Variants in BOP1 observed in about 807,000 individuals in gnomAD.
BOP1 encodes BOP1 ribosomal biogenesis factor.
A neutral mutation model predicts 82.9 loss-of-function variants in BOP1; 54 were observed. The ratio of observed to expected loss-of-function variants is 0.65; its 90% CI spans 0.52 to 0.82. The LOEUF (loss-of-function observed/expected upper bound fraction) is 0.82. Ranked by LOEUF, BOP1 falls within the 40% of genes least tolerant of loss-of-function variation. BOP1 has a pLI of 0.00. For missense variants in BOP1, 1,170 were observed against 1,072.0 expected (o/e 1.09, Z -1.28); for synonymous variants, 566 against 451.1 (o/e 1.25, Z -3.23).
intron 3 of BOP1, among the ~76,000 whole-genome samples, chr8:144,271,536 A>ACGGCCTTCCTGTG (rs1845493070): frequency 6.6e-6 from 1 of 151,650 alleles, no homozygotes; most frequent in Non-Finnish European, 1.5e-5. Context: ...GGAGCGCCAC[A>ACGGCCTTCCTGTG]CGGCCTTCCT....
At chr8:144,265,126 TCGGGCCGCCCAGGGGAGCAG>T in intron 3 of BOP1, 55 bp from the exon 4 acceptor site, 1 of 1,573,252 alleles carries the variant, frequency 6.4e-7, no homozygotes, top group Admixed American at 1.7e-5. Context: ...CACCCCCGCT[TCGGGCCGCCCAGGGGAGCAG>T]GTGAGGGGGT....
chr8:144,289,064 C>G (rs1814960631), intron 2 of BOP1, 31 bp downstream of exon 2: 1 of 1,611,262 alleles, frequency 6.2e-7, no homozygotes, highest in South Asian at 1.1e-5. Flanking sequence ...ACATGGGGGA[C>G]AGCCCTCGAG....
chr8:144,278,250 G>A (rs1845604617), intron 2 of BOP1, among the ~76,000 whole-genome samples: 1 of 149,554 alleles, frequency 6.7e-6, no homozygotes, highest in South Asian at 2.1e-4. Flanking sequence ...CGAGGTGCCA[G>A]CAGGATGCGG....
At chr8:144,276,379 C>A (rs1845568433) in intron 2 of BOP1, 75 bp from the exon 3 acceptor site, 1 of 1,519,470 alleles carries the variant, frequency 6.6e-7, no homozygotes, top group South Asian at 1.1e-5. Flanking sequence ...TCCCAGGAAG[C>A]CCACCACCCC....
intron 3 of BOP1, chr8:144,266,684 A>G: frequency 1.6e-6 from 2 of 1,238,620 alleles, no homozygotes; most frequent in Non-Finnish European, 1.0e-6. Flanking sequence ...CCGCTGTCGG[A>G]GGACGAGGAC....
chr8:144,269,169 G>C (rs1554837538), intron 3 of BOP1, among the ~76,000 whole-genome samples: 1 of 152,234 alleles, frequency 6.6e-6, no homozygotes, highest in African/African-American at 2.4e-5. Flanking sequence ...ACAGTGCTCT[G>C]TGCACAGCTG....
At chr8:144,262,802 C>CGGGGGGG in intron 13 of BOP1, 51 bp downstream of exon 13, 3 of 845,250 alleles carry the variant, frequency 3.5e-6, no homozygotes, top group Non-Finnish European at 3.2e-6. Flanking sequence ...CAGGGTACAC[C>CGGGGGGG]GCCCCCCCCC....
chr8:144,263,528 C>T lies in BOP1; in HGVS notation c.1374G>A (p.Lys458=). 1 of 1,599,816 alleles carries T rather than the reference C, an allele frequency of 6.3e-7. No homozygotes were observed. The change falls in exon 11 of 16, where the codon AAG becomes AAA. Residue 458 remains lysine (K), a synonymous_variant. Coordinates refer to ENST00000569669, the MANE Select transcript of BOP1 (RefSeq NM_015201.5). ...VRTVPVGGVV[K]SVAWNPSPAV... is the part of the protein sequence containing the mutation. ...CGGGGCTGGGGTTCCAGGCCACACTCTTCACCACGCCCCCCACGGGAACAG... is the reference window on the plus strand; with the variant it reads ...CGGGGCTGGGGTTCCAGGCCACACTTTTCACCACGCCCCCCACGGGAACAG...
chr8:144,288,047 C>A (rs1814930069), intron 2 of BOP1, among the ~76,000 whole-genome samples: 1 of 152,210 alleles, frequency 6.6e-6, no homozygotes, highest in South Asian at 2.1e-4. Context: ...AGGCAGATCA[C>A]TTGAGGTCAG....
intron 2 of BOP1, among the ~76,000 whole-genome samples, chr8:144,282,755 C>T (rs1197284797): frequency 1.3e-5 from 2 of 152,074 alleles, no homozygotes; most frequent in African/African-American, 4.8e-5. Flanking sequence ...CCTTCTTCAC[C>T]TTCACTCCTG....
chr8:144,266,540 C>T (rs1336285098), intron 3 of BOP1: 60 of 994,840 alleles, frequency 6.0e-5, no homozygotes, highest in Non-Finnish European at 6.8e-5. Context: ...GGCCGGCCCG[C>T]GAGGCCCGCG....
intron 2 of BOP1, among the ~76,000 whole-genome samples, chr8:144,281,076 C>T (rs113963750): frequency 1.5e-3 from 70 of 46,102 alleles, no homozygotes; most frequent in African/African-American, 3.2e-3. Flanking sequence ...ACCAGGTCTT[C>T]GGCCTTCTCT....
In BOP1 at chr8:144,264,461, C is replaced by G. The variant is rs992915630; in HGVS notation, c.766-24G>C. ...ACCTGCATAGACAGCCGGGTCAGGACGGGCAGTGCGGGGCGGTCAGCCCAG... is the reference window on the plus strand; with the variant it reads ...ACCTGCATAGACAGCCGGGTCAGGAGGGGCAGTGCGGGGCGGTCAGCCCAG... On this transcript the variant is annotated intron_variant, in intron 6 of 15. Coordinates refer to ENST00000569669, the MANE Select transcript of BOP1 (RefSeq NM_015201.5). The G allele has an allele frequency of 4.4e-6, 7 of 1,606,474 alleles. No homozygotes were observed. In the South Asian group the frequency reaches 4.4e-5, roughly 10 times the overall value.
At chr8:144,277,270 CAAGG>C (rs1286464325) in intron 2 of BOP1, among the ~76,000 whole-genome samples, 2 of 151,586 alleles carry the variant, frequency 1.3e-5, no homozygotes, top group Non-Finnish European at 2.9e-5. Context: ...AGGCCAGGAA[CAAGG>C]AAGGATTCAG....
chr8:144,276,638 ACCG>A (rs1845571338), intron 2 of BOP1, among the ~76,000 whole-genome samples: 1 of 152,010 alleles, frequency 6.6e-6, no homozygotes. Context: ...ACCAAGACCC[ACCG>A]CCAACCACCC....
At chr8:144,276,109 C>G in intron 3 of BOP1, 115 bp downstream of exon 3, 1 of 1,234,646 alleles carries the variant, frequency 8.1e-7, no homozygotes, top group Non-Finnish European at 1.2e-6. Flanking sequence ...CAGTGCGGCC[C>G]ACCTGCGGCA....
At chr8:144,279,117 GCCATGGGCCATGACCC>G (rs1273504055) in intron 2 of BOP1, among the ~76,000 whole-genome samples, 8 of 42,052 alleles carry the variant, frequency 1.9e-4, no homozygotes, top group South Asian at 2.0e-3. Context: ...GGCCACGACC[GCCATGGGCCATGACCC>G]CCATGGGCCT....
intron 13 of BOP1, 24 bp from the exon 14 acceptor site, chr8:144,262,696 GGTGTT>G: frequency 1.9e-6 from 3 of 1,611,428 alleles, no homozygotes; most frequent in Non-Finnish European, 1.7e-6. Flanking sequence ...CTGTGATGCA[GGTGTT>G]CCCGCTCTCA....
rs1256512765 is a variant in BOP1, at chr8:144,285,333, G to A, written c.309+3762C>T. Reference sequence around the variant, plus strand: ...CATCCCGCCACTGTTCCAGTCTGATGTGATGCTGTGGCTGGGATGTCCTTC... The same window carrying A: ...CATCCCGCCACTGTTCCAGTCTGATATGATGCTGTGGCTGGGATGTCCTTC... On this transcript the variant is annotated intron_variant, in intron 2 of 15. Transcript: ENST00000569669. 2.0e-5 allele frequency among the ~76,000 whole-genome samples: 3 copies of A among 152,200 alleles called. 1 individual carries two copies. The highest frequency in any genetic ancestry group is 4.1e-4 in the South Asian group (2 of 4,830).
Sources: gnomAD v4.1 joint callset for allele counts (sites outside exome capture counted in the v4.1 genomes callset) on GRCh38, gnomAD v4.1.1 for gene constraint, MANE v1.5 for transcripts, NCBI Gene and HGNC (gene_info 2026-07-23, HGNC 2026-07-21) for gene names.